The following FAF1 variants were observed in gnomAD, a reference collection of about 807,000 sequenced individuals.
FAF1 encodes Fas associated factor 1, also known as FAS-associated factor 1.
Under a neutral mutation model 92.5 loss-of-function variants are expected in FAF1, and 25 were observed. That is an observed-to-expected ratio of 0.27 (90% CI 0.20 to 0.38). The LOEUF (loss-of-function observed/expected upper bound fraction) is 0.38. Among genes scored for constraint, FAF1 ranks in the 10% least tolerant of loss-of-function variants. FAF1 has a pLI of 1.00. For synonymous variants in FAF1, 234 were observed against 273.2 expected (o/e 0.86, Z 1.42); for missense variants, 636 against 793.3 (o/e 0.80, Z 2.38).
chr1:50,723,398 C>CA (rs539161759), intron 6 of FAF1, among the ~76,000 whole-genome samples: 2,898 of 118,120 alleles, frequency 0.025, 70 homozygotes, highest in African/African-American at 0.078. Context: ...AGACTGTCTC[C>CA]AAAAAAAAAA....
chr1:50,758,395 G>C (rs1660168147), intron 4 of FAF1, among the ~76,000 whole-genome samples: 1 of 152,192 alleles, frequency 6.6e-6, no homozygotes, highest in Non-Finnish European at 1.5e-5. Flanking sequence ...CTTCAAATCA[G>C]ACAGAAATCT....
chr1:50,955,868 T>C (rs1645262291), intron 1 of FAF1, among the ~76,000 whole-genome samples: 1 of 152,092 alleles, frequency 6.6e-6, no homozygotes. Flanking sequence ...TTATGCTAAG[T>C]GAAATAAGCC....
rs202054576 is a variant in FAF1, at chr1:50,788,021, G to T, written c.346C>A (p.Leu116Ile). The change falls in exon 4 of 19, where the codon CTT (leucine) becomes ATT (isoleucine). Residue 116 changes from leucine to isoleucine, a missense_variant. By Grantham distance (5) the Leu-to-Ile change is conservative. Transcript: ENST00000396153. ...EYRDRNVDVV[L>I]EDTCTVGEIK... The stretch of plus-strand genomic sequence containing the variant: ...TTACCAACAGTACAGGTGTCTTCAA[G>T]TACCACATCAACATTTCTGTCTCTG... The T allele has an allele frequency of 1.2e-6, 2 of 1,613,968 alleles. No individual in the cohort carries two copies. The highest frequency in any genetic ancestry group is 4.5e-5 in the East Asian group (2 of 44,870).
chr1:50,601,712 C>A (rs566522738), intron 8 of FAF1, among the ~76,000 whole-genome samples: 9 of 148,226 alleles, frequency 6.1e-5, no homozygotes, highest in African/African-American at 2.3e-4. Flanking sequence ...TATATACACA[C>A]ACACACTATA....
chr1:50,599,603 T>G (rs1651999500), intron 8 of FAF1, among the ~76,000 whole-genome samples: 1 of 152,234 alleles, frequency 6.6e-6, no homozygotes, highest in South Asian at 2.1e-4. Flanking sequence ...ATTTATTTAT[T>G]AAGTAAATTT....
intron 1 of FAF1, among the ~76,000 whole-genome samples, chr1:50,898,772 C>A (rs1294477452): frequency 6.6e-6 from 1 of 152,116 alleles, no homozygotes; most frequent in African/African-American, 2.4e-5. Flanking sequence ...TTTCCTTTGA[C>A]TGTTCTTAAA....
At chr1:50,594,086 G>T (rs1046609332) in intron 9 of FAF1, among the ~76,000 whole-genome samples, 1 of 152,102 alleles carries the variant, frequency 6.6e-6, no homozygotes, top group Admixed American at 6.5e-5. Context: ...GCTGAGGAGG[G>T]TGGATCATTT....
At chr1:50,711,346 T>C (rs758934180) in intron 6 of FAF1, among the ~76,000 whole-genome samples, 5 of 152,232 alleles carry the variant, frequency 3.3e-5, no homozygotes. Context: ...ACAGTGCTTT[T>C]GTAGTAGTTA....
chr1:50,465,737 G>A (rs1054821358), intron 18 of FAF1, among the ~76,000 whole-genome samples: 1 of 152,084 alleles, frequency 6.6e-6, no homozygotes, highest in African/African-American at 2.4e-5. Context: ...ATTTTATATG[G>A]GTTGGTCAGC....
intron 4 of FAF1, among the ~76,000 whole-genome samples, chr1:50,786,726 C>T (rs998029323): frequency 1.3e-5 from 2 of 152,094 alleles, no homozygotes; most frequent in Non-Finnish European, 2.9e-5. Flanking sequence ...ATTTGGTAAA[C>T]TGAAATAAGT....
At chr1:50,773,101 A>G (rs1660828917) in intron 4 of FAF1, among the ~76,000 whole-genome samples, 2 of 152,208 alleles carry the variant, frequency 1.3e-5, no homozygotes, top group Non-Finnish European at 2.9e-5. Context: ...GCTTTAACAT[A>G]ACACCTACAA....
chr1:50,460,306 T>C (rs1228290567), intron 18 of FAF1, among the ~76,000 whole-genome samples: 2 of 152,240 alleles, frequency 1.3e-5, no homozygotes, highest in African/African-American at 4.8e-5. Flanking sequence ...CTTTCTGTTT[T>C]CAAAATGTCT....
At chr1:50,558,759 G>A (rs979026931) in intron 13 of FAF1, among the ~76,000 whole-genome samples, 1 of 152,098 alleles carries the variant, frequency 6.6e-6, no homozygotes, top group Non-Finnish European at 1.5e-5. Flanking sequence ...CATATTTCCT[G>A]AATAGCATTA....
intron 1 of FAF1, among the ~76,000 whole-genome samples, chr1:50,896,853 G>A (rs1244070906): frequency 6.6e-6 from 1 of 152,120 alleles, no homozygotes; most frequent in Non-Finnish European, 1.5e-5. Context: ...AAGAGTTACG[G>A]AGATGGATGA....
chr1:50,731,589 C>T (rs1658925990), intron 6 of FAF1, among the ~76,000 whole-genome samples: 1 of 151,918 alleles, frequency 6.6e-6, no homozygotes. Context: ...AGGATGGTCT[C>T]GATCTCCTGA....
Position 50,550,042 on chromosome 1 carries a change from T to G in FAF1, c.1269-10314A>C, listed in dbSNP as rs190834955. Among the ~76,000 whole-genome samples, 4 of 152,136 alleles carry G rather than the reference T, an allele frequency of 2.6e-5. No homozygotes were observed. In the East Asian group the frequency reaches 7.8e-4, roughly 30 times the overall value. ...ATGTATTTGAAAACAACTATCACCC[T>G]AATGGATATAAAAATGTGGGAGTGC... On this transcript the variant is annotated intron_variant, in intron 13 of 18. Coordinates refer to ENST00000396153, the MANE Select transcript of FAF1 (RefSeq NM_007051.3).
intron 1 of FAF1, among the ~76,000 whole-genome samples, 176 bp from the exon 2 acceptor site, chr1:50,858,173 T>C (rs1355914992): frequency 6.6e-6 from 1 of 151,870 alleles, no homozygotes; most frequent in Non-Finnish European, 1.5e-5. Context: ...GTGAACATTG[T>C]TAATTACAAA....
At chr1:50,676,585 C>A (rs1022213627) in intron 7 of FAF1, among the ~76,000 whole-genome samples, 8 of 152,040 alleles carry the variant, frequency 5.3e-5, no homozygotes, top group African/African-American at 1.7e-4. Flanking sequence ...CTTTGGGAGA[C>A]CGAGGTCGGC....
intron 2 of FAF1, among the ~76,000 whole-genome samples, chr1:50,841,572 T>C (rs1021063571): frequency 6.6e-6 from 1 of 152,006 alleles, no homozygotes; most frequent in African/African-American, 2.4e-5. Flanking sequence ...AACCAAGCTT[T>C]TTTTTCCCTT....
Sources: allele counts gnomAD v4.1 joint callset (sites outside exome capture counted in the v4.1 genomes callset), GRCh38; gene constraint gnomAD v4.1.1; transcripts MANE v1.5; gene names NCBI Gene and HGNC (gene_info 2026-07-23, HGNC 2026-07-21).